The following RTN4RL1 variants were observed in gnomAD, a reference collection of about 807,000 sequenced individuals.
RTN4RL1 encodes the protein reticulon 4 receptor like 1, also known as reticulon-4 receptor-like 1.
In RTN4RL1, 7 loss-of-function variants were observed where a neutral mutation model predicts 25.6. The ratio of observed to expected loss-of-function variants is 0.27; its 90% CI spans 0.16 to 0.51. The LOEUF (loss-of-function observed/expected upper bound fraction) is 0.51, where lower values mean the gene tolerates loss of function less well. RTN4RL1 is among the 20% of genes least tolerant of loss of function. The pLI, the probability that RTN4RL1 is intolerant of heterozygous loss-of-function variation, is 0.97. For synonymous variants in RTN4RL1, 297 were observed against 288.2 expected, an observed-to-expected ratio of 1.03 and a Z score of -0.31; for missense variants, 500 against 615.6, an observed-to-expected ratio of 0.81 and a Z score of 1.99.
intron 1 of RTN4RL1, among the ~76,000 whole-genome samples, chr17:1,945,020 C>G (rs940653495): frequency 3.3e-5 from 5 of 152,150 alleles, no homozygotes; most frequent in African/African-American, 1.2e-4. Context: ...TCCTTCCCTC[C>G]CCAGCCGCAG....
chr17:1,952,669 A>G (rs2151307704), intron 1 of RTN4RL1, among the ~76,000 whole-genome samples: 1 of 151,650 alleles, frequency 6.6e-6, no homozygotes, highest in African/African-American at 2.4e-5. Flanking sequence ...CATTCTGCAC[A>G]GGTCCACCCA....
intron 1 of RTN4RL1, among the ~76,000 whole-genome samples, chr17:1,997,937 G>A (rs1327114588): frequency 6.6e-6 from 1 of 152,212 alleles, no homozygotes; most frequent in Non-Finnish European, 1.5e-5. Context: ...CAGGCCTTCT[G>A]GGGAAAGCGT....
chr17:1,956,893 A>G (rs1915805094), intron 1 of RTN4RL1, among the ~76,000 whole-genome samples: 1 of 152,060 alleles, frequency 6.6e-6, no homozygotes, highest in South Asian at 2.1e-4. Context: ...ACAGGCGTCC[A>G]CCACCACGCC....
intron 1 of RTN4RL1, among the ~76,000 whole-genome samples, chr17:2,021,487 C>T (rs1009933042): frequency 1.3e-5 from 2 of 152,046 alleles, no homozygotes; most frequent in African/African-American, 4.8e-5. Context: ...GTCCAGGACC[C>T]CACATAGGGC....
At chr17:1,967,268 CA>C (rs1396159181) in intron 1 of RTN4RL1, among the ~76,000 whole-genome samples, 1 of 144,360 alleles carries the variant, frequency 6.9e-6, no homozygotes, top group Non-Finnish European at 1.6e-5. Context: ...ACAAAACAAA[CA>C]AAACACTGTG....
intron 1 of RTN4RL1, among the ~76,000 whole-genome samples, chr17:1,972,256 G>A (rs2066823609): frequency 6.6e-6 from 1 of 151,870 alleles, no homozygotes; most frequent in Non-Finnish European, 1.5e-5. Context: ...GCAGTGAGCA[G>A]AGATCGCGCC....
At chr17:1,947,550 A>G (rs945456209) in intron 1 of RTN4RL1, among the ~76,000 whole-genome samples, 1 of 152,308 alleles carries the variant, frequency 6.6e-6, no homozygotes, top group Non-Finnish European at 1.5e-5. Flanking sequence ...CCAGCACGCC[A>G]GGATCGCTCT....
intron 1 of RTN4RL1, among the ~76,000 whole-genome samples, chr17:1,975,825 G>T (rs1288536578): frequency 6.6e-6 from 1 of 152,048 alleles, no homozygotes; most frequent in African/African-American, 2.4e-5. Context: ...CTTTCAAGAC[G>T]ATCTACCTCA....
In RTN4RL1 at chr17:1,998,059, G is replaced by A. The variant is rs1230992036; in HGVS notation, c.13+26794C>T. ...CCCACCCCCGCCTCCGCCCCAGGCC[G>A]CGATCGATCCCGGCCTCTCCCGGCC... On this transcript the variant is annotated intron_variant, in intron 1 of 1. Transcript: ENST00000331238. This position sits in a 1 kb window ranked among gnomAD's most constrained non-coding sequence, Gnocchi z 4.9. Among the ~76,000 whole-genome samples, 1 of 152,020 alleles carries A rather than the reference G, an allele frequency of 6.6e-6. No homozygotes were observed. Among genetic ancestry groups the A allele is most frequent in the African/African-American group, 2.4e-5 (1 of 41,398 alleles).
At chr17:1,956,293 G>T (rs889305677) in intron 1 of RTN4RL1, among the ~76,000 whole-genome samples, 1 of 152,138 alleles carries the variant, frequency 6.6e-6, no homozygotes, top group Admixed American at 6.5e-5. Context: ...CTCCTAACGC[G>T]TACGGCGAAA....
intron 1 of RTN4RL1, among the ~76,000 whole-genome samples, chr17:1,992,456 C>G (rs2066913675): frequency 6.6e-6 from 1 of 151,942 alleles, no homozygotes; most frequent in Admixed American, 6.6e-5. Flanking sequence ...CAGTTGGGGA[C>G]AAAGAGCCGC....
chr17:1,962,790 A>G (rs922031919), intron 1 of RTN4RL1, among the ~76,000 whole-genome samples: 1 of 147,604 alleles, frequency 6.8e-6, no homozygotes, highest in African/African-American at 2.5e-5. Flanking sequence ...TTGAACCAGG[A>G]GGCAGAGGTT....
At chr17:1,985,699 A>G (rs1302732319) in intron 1 of RTN4RL1, among the ~76,000 whole-genome samples, 1 of 152,206 alleles carries the variant, frequency 6.6e-6, no homozygotes, top group Non-Finnish European at 1.5e-5. Flanking sequence ...CAGGTGTGAC[A>G]GATGTAGGAA....
rs201739711 is a variant in RTN4RL1 at position 1,937,034 on chromosome 17, G to A, written c.788C>T (p.Ala263Val). 1,416 of 1,604,148 alleles carry A rather than the reference G, an allele frequency of 8.8e-4. No homozygotes were observed. The highest frequency in any genetic ancestry group is 1.1e-3 in the Non-Finnish European group (1,285 of 1,177,828). The change falls in exon 2 of 2, where the codon GCG (alanine) becomes GTG (valine). Residue 263 changes from alanine to valine, a missense_variant. Ala to Val is a moderately conservative substitution (Grantham distance 64). Coordinates refer to ENST00000331238, the MANE Select transcript of RTN4RL1 (RefSeq NM_178568.4). Reference protein sequence around the residue: ...NGNPWDCGCRARSLWEWLQRF... With the variant: ...NGNPWDCGCRVRSLWEWLQRF... ...CTGCAGCCATTCCCACAGGGAGCGC[G>A]CGCGACAACCACAGTCCCAGGGGTT...
chr17:1,948,950 G>A (rs1428599756), intron 1 of RTN4RL1, among the ~76,000 whole-genome samples: 16 of 147,698 alleles, frequency 1.1e-4, no homozygotes, highest in African/African-American at 3.5e-4. Flanking sequence ...CTGCCACCAC[G>A]CCTGGCTAAT....
At chr17:1,991,306 G>C (rs1030644296) in intron 1 of RTN4RL1, among the ~76,000 whole-genome samples, 4 of 152,070 alleles carry the variant, frequency 2.6e-5, no homozygotes, top group African/African-American at 4.8e-5. Flanking sequence ...CTGAGAAAAG[G>C]CCTGAGAATC....
At chr17:1,963,863 C>A (rs1489105723) in intron 1 of RTN4RL1, among the ~76,000 whole-genome samples, 1 of 152,176 alleles carries the variant, frequency 6.6e-6, no homozygotes, top group Non-Finnish European at 1.5e-5. Context: ...TCCCGAGTAG[C>A]TGGGATCACA....
rs1277122011 is a variant in RTN4RL1, at chr17:1,998,791, G to C, written c.13+26062C>G. ...ACGGGGACCCCGGGGTGGGGGTGGGGGTGGGGCTCTGCGAGGGCCCTAAAA... is the reference window on the plus strand; with the variant it reads ...ACGGGGACCCCGGGGTGGGGGTGGGCGTGGGGCTCTGCGAGGGCCCTAAAA... On this transcript the variant is annotated intron_variant, in intron 1 of 1. Coordinates refer to ENST00000331238, the MANE Select transcript of RTN4RL1 (RefSeq NM_178568.4). This position sits in a 1 kb window ranked among gnomAD's most constrained non-coding sequence, Gnocchi z 4.9. Among the ~76,000 whole-genome samples, 1 of 151,874 alleles carries C rather than the reference G, an allele frequency of 6.6e-6. No individual in the cohort carries two copies. The highest frequency in any genetic ancestry group is 1.5e-5 in the Non-Finnish European group (1 of 67,894).
intron 1 of RTN4RL1, among the ~76,000 whole-genome samples, chr17:1,975,399 C>T (rs2066838638): frequency 6.6e-6 from 1 of 152,066 alleles, no homozygotes; most frequent in African/African-American, 2.4e-5. Context: ...GCCTGTAATC[C>T]CAGCATTTTG....
Sources: gnomAD v4.1 joint callset for allele counts (sites outside exome capture counted in the v4.1 genomes callset) on GRCh38, gnomAD v4.1.1 for gene constraint, Gnocchi (gnomAD v3.1) non-coding constraint, MANE v1.5 for transcripts, NCBI Gene and HGNC (gene_info 2026-07-23, HGNC 2026-07-21) for gene names.